XIRP2: variants seen among roughly 807,000 people sequenced by gnomAD.
The protein encoded by XIRP2 is xin actin binding repeat containing 2.
In XIRP2, 236 loss-of-function variants were observed where a neutral mutation model predicts 277.0. The observed-to-expected ratio is 0.85, with a 90% CI of 0.77 to 0.95. The LOEUF (loss-of-function observed/expected upper bound fraction) is 0.95, where lower values mean the gene tolerates loss of function less well. Ranked by LOEUF, XIRP2 falls within the 40% of genes least tolerant of loss-of-function variation. The pLI is 0.00. For synonymous variants in XIRP2, 1,490 were observed against 1,416.5 expected (o/e 1.05, Z -1.17); for missense variants, 4,640 against 4,157.5 (o/e 1.12, Z -3.19).
At chr2:167,028,237 A>C (rs1320780771) in intron 2 of XIRP2, among the ~76,000 whole-genome samples, 2 of 152,116 alleles carry the variant, frequency 1.3e-5, no homozygotes, top group African/African-American at 2.4e-5. Flanking sequence ...CACAATAATC[A>C]TATGACTATT....
intron 2 of XIRP2, among the ~76,000 whole-genome samples, chr2:167,072,351 AT>A (rs1394019663): frequency 6.6e-6 from 1 of 152,172 alleles, no homozygotes; most frequent in Non-Finnish European, 1.5e-5. Flanking sequence ...TCAAGTTAGT[AT>A]AATAGCTATG....
chr2:167,251,715 C>A lies in XIRP2; in HGVS notation c.10323C>A (p.Ser3441Arg). Reference protein sequence around the residue: ...ESKMKTSSSHSSEAGKSGCDF... With the variant: ...ESKMKTSSSHRSEAGKSGCDF... ...AGATGAAAACCTCTTCATCACATAG[C>A]TCAGAAGCTGGCAAATCTGGCTGTG... Residue 3441 changes from serine (S) to arginine (R), a missense_variant, in exon 9 of 11, where the codon AGC becomes AGA. By Grantham distance (110) the Ser-to-Arg change is moderately radical. Coordinates refer to ENST00000409195, the MANE Select transcript of XIRP2 (RefSeq NM_152381.6). 1.2e-6 allele frequency: 2 copies of A among 1,613,382 alleles called. No homozygotes were observed. The highest frequency in any genetic ancestry group is 1.7e-6 in the Non-Finnish European group (2 of 1,179,608).
chr2:167,035,233 T>A (rs1553480830), intron 2 of XIRP2, among the ~76,000 whole-genome samples: 1 of 152,176 alleles, frequency 6.6e-6, no homozygotes, highest in Non-Finnish European at 1.5e-5. Flanking sequence ...GAAGCGACTT[T>A]GGATCTGGGA....
At chr2:166,980,695 G>A (rs532596763) in intron 2 of XIRP2, among the ~76,000 whole-genome samples, 1 of 152,220 alleles carries the variant, frequency 6.6e-6, no homozygotes, top group South Asian at 2.1e-4. Flanking sequence ...TGGGATTACA[G>A]GCATGAGCCA....
At chr2:167,022,758 G>C (rs1402200953) in intron 2 of XIRP2, among the ~76,000 whole-genome samples, 1 of 152,068 alleles carries the variant, frequency 6.6e-6, no homozygotes, top group Admixed American at 6.6e-5. Flanking sequence ...TTTCATCCAT[G>C]TCCCTACAAA....
At chr2:166,894,921 C>G (rs897462591) in intron 1 of XIRP2, among the ~76,000 whole-genome samples, 3 of 152,124 alleles carry the variant, frequency 2.0e-5, no homozygotes, top group African/African-American at 7.2e-5. Flanking sequence ...GAATGCTTCC[C>G]TGAGGCAGTC....
intron 2 of XIRP2, among the ~76,000 whole-genome samples, chr2:167,112,078 G>C (rs567563785): frequency 6.6e-6 from 1 of 152,086 alleles, no homozygotes; most frequent in East Asian, 1.9e-4. Flanking sequence ...TCTAACTAGT[G>C]TTTTATCTAT....
At chr2:167,140,667 G>T (rs1478495730) in intron 3 of XIRP2, 1 of 152,116 alleles carries the variant, frequency 6.6e-6, no homozygotes, top group African/African-American at 2.4e-5. Flanking sequence ...TGTTATTTTA[G>T]TTCATACAGG....
chr2:167,196,412 T>TTG (rs71031280), intron 3 of XIRP2, among the ~76,000 whole-genome samples: 19,550 of 141,512 alleles, frequency 0.14, 1,644 homozygotes, highest in East Asian at 0.43. Context: ...GTCAAGAATT[T>TTG]TGTGTGTGTG....
At chr2:167,141,771 G>A (rs1691724111) in intron 3 of XIRP2, among the ~76,000 whole-genome samples, 1 of 151,930 alleles carries the variant, frequency 6.6e-6, no homozygotes, top group South Asian at 2.1e-4. Context: ...TGAGGCAGGA[G>A]GATCCCTTGA....
At chr2:167,193,082 C>T (rs897746440) in intron 3 of XIRP2, among the ~76,000 whole-genome samples, 1 of 152,170 alleles carries the variant, frequency 6.6e-6, no homozygotes, top group African/African-American at 2.4e-5. Context: ...ACAACAGCCT[C>T]AACTTTTACT....
At chr2:166,966,412 T>C (rs1390094553) in intron 2 of XIRP2, among the ~76,000 whole-genome samples, 3 of 151,850 alleles carry the variant, frequency 2.0e-5, no homozygotes, top group African/African-American at 7.2e-5. Flanking sequence ...ATATCTATAT[T>C]TGTCTCATGT....
intron 2 of XIRP2, among the ~76,000 whole-genome samples, chr2:166,965,367 C>A (rs745946919): frequency 2.6e-5 from 4 of 151,742 alleles, no homozygotes; most frequent in Admixed American, 2.0e-4. Context: ...CTCCAGTATG[C>A]ACTTACATTT....
chr2:167,001,864 C>T (rs1487301907), intron 2 of XIRP2, among the ~76,000 whole-genome samples: 2 of 151,924 alleles, frequency 1.3e-5, no homozygotes, highest in Admixed American at 6.6e-5. Context: ...CCATTCTTTC[C>T]GATGCTTGAA....
intron 2 of XIRP2, among the ~76,000 whole-genome samples, chr2:167,019,448 A>C (rs894121357): frequency 6.6e-6 from 1 of 152,050 alleles, no homozygotes; most frequent in African/African-American, 2.4e-5. Flanking sequence ...AGAAATATGA[A>C]TATAGAAGGG....
At chr2:166,919,243 T>G (rs1376379877) in intron 2 of XIRP2, among the ~76,000 whole-genome samples, 1 of 152,222 alleles carries the variant, frequency 6.6e-6, no homozygotes, top group East Asian at 1.9e-4. Context: ...TATTTCTTTA[T>G]GTTTAATGTG....
intron 3 of XIRP2, among the ~76,000 whole-genome samples, chr2:167,175,735 C>T (rs373629046): frequency 2.0e-5 from 3 of 152,166 alleles, no homozygotes. Context: ...AAGCTGCTCC[C>T]ACAGCTGCCC....
intron 2 of XIRP2, among the ~76,000 whole-genome samples, chr2:167,117,322 A>G (rs1690924346): frequency 6.6e-6 from 1 of 152,136 alleles, no homozygotes; most frequent in South Asian, 2.1e-4. Flanking sequence ...CCATACACAT[A>G]CAGTGCACAC....
chr2:167,067,936 C>G (rs1391369914), intron 2 of XIRP2, among the ~76,000 whole-genome samples: 3 of 152,134 alleles, frequency 2.0e-5, no homozygotes, highest in African/African-American at 7.2e-5. Flanking sequence ...TATAACTCAG[C>G]CAAAGACTTG....
Sources: gnomAD v4.1 joint callset for allele counts (sites outside exome capture counted in the v4.1 genomes callset) on GRCh38, gnomAD v4.1.1 for gene constraint, MANE v1.5 for transcripts, NCBI Gene and HGNC (gene_info 2026-07-23, HGNC 2026-07-21) for gene names.